The following PCDHA1 variants were observed in gnomAD, a reference collection of about 807,000 sequenced individuals.
The protein encoded by PCDHA1 is protocadherin alpha 1, also known as protocadherin alpha-1.
In PCDHA1, 42 loss-of-function variants were observed where a neutral mutation model predicts 61.3. The ratio of observed to expected loss-of-function variants is 0.69; its 90% confidence interval spans 0.54 to 0.89. The LOEUF is 0.89. Among genes scored for constraint, PCDHA1 ranks in the 40% least tolerant of loss-of-function variants. The pLI is 0.00. For missense variants in PCDHA1, 1,256 were observed against 1,235.3 expected, an observed-to-expected ratio of 1.02 and a Z score of -0.25; for synonymous variants, 610 against 553.8, an observed-to-expected ratio of 1.10 and a Z score of -1.43.
At chr5:140,966,971 C>G (rs375161984) in intron 1 of PCDHA1, 1 of 1,602,808 alleles carries the variant, frequency 6.2e-7, no homozygotes, top group Non-Finnish European at 8.5e-7. Flanking sequence ...GGGGCTTGAG[C>G]TGCGGCGCTT....
intron 1 of PCDHA1, among the ~76,000 whole-genome samples, chr5:140,904,695 G>A (rs1276696069): frequency 2.0e-5 from 3 of 152,024 alleles, no homozygotes; most frequent in Admixed American, 2.0e-4. Flanking sequence ...GTGTAAAATT[G>A]TTCCCTTTTC....
chr5:141,009,874 G>A lies in PCDHA1; in HGVS notation c.2790G>A (p.Lys930=), dbSNP rs1554262519. The A allele has an allele frequency of 6.2e-7, 1 of 1,613,836 alleles. No individual in the cohort carries two copies. Among genetic ancestry groups the A allele is most frequent in the African/African-American group, 1.3e-5 (1 of 74,824 alleles). ...CCAAGAAAAAGAAGAAAAAGAAGAA[G>A]GGTAACAAGACCCAGGAGAAAAAAG... ...EETKKKKKKK[K]GNKTQEKKEK... is the part of the protein sequence containing the mutation. Residue 930 remains lysine, a synonymous_variant, in exon 4 of 4, where the codon AAG becomes AAA. Transcript: ENST00000504120.
chr5:140,875,386 C>G, intron 1 of PCDHA1: 1 of 1,465,972 alleles, frequency 6.8e-7, no homozygotes, highest in Non-Finnish European at 9.0e-7. Flanking sequence ...TATGTACTTA[C>G]AGAAAAGGGT....
chr5:140,788,487 G>A lies in PCDHA1; in HGVS notation c.2197G>A (p.Val733Met). The change falls in exon 1 of 4, where the codon GTG becomes ATG. Residue 733 changes from valine (V) to methionine (M), a missense_variant. Coordinates refer to ENST00000504120, the MANE Select transcript of PCDHA1 (RefSeq NM_018900.4). The part of the protein sequence containing the change: ...CSVPPTEGAY[V>M]PGKPTLVCSS... ...AGTGCCGCCCACTGAGGGTGCGTAT[G>A]TGCCGGGCAAGCCCACTCTGGTGTG... 2 of 1,614,144 alleles carry A rather than the reference G, an allele frequency of 1.2e-6. No homozygotes were observed. The highest frequency in any genetic ancestry group is 1.3e-5 in the African/African-American group (1 of 75,072).
chr5:140,791,746 A>G (rs1581604885), intron 1 of PCDHA1, among the ~76,000 whole-genome samples: 1 of 152,246 alleles, frequency 6.6e-6, no homozygotes, highest in Non-Finnish European at 1.5e-5. Context: ...CAGAAGAAAA[A>G]TAATAAACTG....
intron 1 of PCDHA1, among the ~76,000 whole-genome samples, chr5:140,790,590 T>C (rs1554118554): frequency 6.6e-6 from 1 of 152,164 alleles, no homozygotes; most frequent in East Asian, 1.9e-4. Context: ...GCCAAGAAAA[T>C]GTCCCAGTTC....
At chr5:140,852,255 T>A (rs1554145733) in intron 1 of PCDHA1, 1 of 511,528 alleles carries the variant, frequency 2.0e-6, no homozygotes, top group Middle Eastern at 9.9e-4. Context: ...ACTTTTGGAA[T>A]ATGCTACAAT....
chr5:140,952,565 C>T (rs1255567969), intron 1 of PCDHA1, among the ~76,000 whole-genome samples: 3 of 152,142 alleles, frequency 2.0e-5, no homozygotes, highest in African/African-American at 4.8e-5. Flanking sequence ...ATCAGCACTT[C>T]GGTCCCAATC....
At chr5:140,909,288 A>G (rs1441603045) in intron 1 of PCDHA1, among the ~76,000 whole-genome samples, 2 of 152,234 alleles carry the variant, frequency 1.3e-5, no homozygotes, top group Non-Finnish European at 2.9e-5. Context: ...GGTGGGCCTT[A>G]TGGACAGGAA....
intron 1 of PCDHA1, chr5:140,836,596 C>T (rs2150264981): frequency 6.2e-7 from 1 of 1,613,764 alleles, no homozygotes; most frequent in Non-Finnish European, 8.5e-7. Context: ...GTAAAGCCCA[C>T]TCTGGTGTGC....
At chr5:140,959,066 G>T (rs913581823) in intron 1 of PCDHA1, among the ~76,000 whole-genome samples, 81 of 152,142 alleles carry the variant, frequency 5.3e-4, no homozygotes, top group African/African-American at 1.9e-3. Flanking sequence ...AGTATATATA[G>T]AATTCAGTAT....
intron 1 of PCDHA1, among the ~76,000 whole-genome samples, chr5:140,930,792 A>G (rs782797665): frequency 4.9e-4 from 74 of 152,228 alleles, no homozygotes; most frequent in Admixed American, 1.4e-3. Flanking sequence ...AATATAATAG[A>G]ATCCAGCATA....
At chr5:140,960,903 G>C (rs560284839) in intron 1 of PCDHA1, among the ~76,000 whole-genome samples, 3 of 152,308 alleles carry the variant, frequency 2.0e-5, no homozygotes, top group African/African-American at 7.2e-5. Context: ...GGCATATCTT[G>C]AGTTTCAGAT....
intron 1 of PCDHA1, chr5:140,850,108 G>C (rs2150467680): frequency 6.3e-7 from 1 of 1,596,108 alleles, no homozygotes; most frequent in East Asian, 2.2e-5. Context: ...GTGAGCGCGC[G>C]CGACGCGGGC....
chr5:140,802,906 T>A, intron 1 of PCDHA1: 1 of 1,613,704 alleles, frequency 6.2e-7, no homozygotes, highest in Non-Finnish European at 8.5e-7. Flanking sequence ...ATGCCTCGGG[T>A]GGGTGGCATC....
At chr5:140,866,639 A>G (rs782198143) in intron 1 of PCDHA1, 1 of 152,148 alleles carries the variant, frequency 6.6e-6, no homozygotes, top group Non-Finnish European at 1.5e-5. Flanking sequence ...CAACGGTGTC[A>G]AAATTTATTT....
intron 1 of PCDHA1, chr5:140,856,304 A>C (rs782114957): frequency 1.3e-5 from 21 of 1,598,432 alleles, no homozygotes; most frequent in Non-Finnish European, 1.8e-5. Flanking sequence ...TTTGTTTGTG[A>C]ATTCTCGGAT....
At chr5:140,995,682 T>A (rs566340825) in intron 3 of PCDHA1, among the ~76,000 whole-genome samples, 28 of 152,312 alleles carry the variant, frequency 1.8e-4, no homozygotes, top group East Asian at 9.6e-4. Context: ...GCATTTTTTT[T>A]AATTGTTAAA....
rs2150111522 is a variant in PCDHA1, at chr5:140,821,876, T to C, written c.2394+33192T>C. 3 of 1,614,184 alleles carry C rather than the reference T, an allele frequency of 1.9e-6. No individual in the cohort carries two copies. In the African/African-American group the frequency reaches 4.0e-5, roughly 22 times the overall value. ...GGGAGCGGCCAGCTCCACTACTCGA[T>C]CCCGGAGGAAGCCAAACACGGAACC... On this transcript the variant is annotated intron_variant, in intron 1 of 3. Coordinates refer to ENST00000504120, the MANE Select transcript of PCDHA1 (RefSeq NM_018900.4).
Sources: gnomAD v4.1 joint callset for allele counts (sites outside exome capture counted in the v4.1 genomes callset) on GRCh38, gnomAD v4.1.1 for gene constraint, MANE v1.5 for transcripts, NCBI Gene and HGNC (gene_info 2026-07-23, HGNC 2026-07-21) for gene names.